The following RFLNA variants were observed in gnomAD, a reference collection of about 807,000 sequenced individuals.
RFLNA encodes refilin A, also known as refilin-A.
Under a neutral mutation model 7.8 loss-of-function variants are expected in RFLNA, and 5 were observed. The observed-to-expected ratio is 0.64, with a 90% CI of 0.34 to 1.35. RFLNA has a LOEUF of 1.35. RFLNA is among the 40% of genes most tolerant of loss of function. The pLI is 0.04. For synonymous variants in RFLNA, 141 were observed against 131.3 expected (o/e 1.07, Z -0.50); for missense variants, 278 against 305.5 (o/e 0.91, Z 0.67).
chr12:124,314,819 C>A lies in RFLNA; in HGVS notation c.*294C>A. The A allele has an allele frequency of 1.6e-6, 1 of 612,318 alleles. No individual in the cohort carries two copies. The highest frequency in any genetic ancestry group is 3.1e-6 in the Non-Finnish European group (1 of 327,612). The allele number at this position is 612,318 out of a possible 1,614,324, so 37.9% of individuals were successfully genotyped here. On this transcript the variant is annotated 3_prime_UTR_variant, in exon 3 of 3. Transcript: ENST00000546355. ...GTTAGGTGGTGGCCACCCCCAGGGT[C>A]AGGGGAAAAGAATGGGTCCATGGAG...
chr12:124,305,278 G>T (rs1057105512), intron 1 of RFLNA, among the ~76,000 whole-genome samples: 4 of 152,230 alleles, frequency 2.6e-5, no homozygotes, highest in Non-Finnish European at 5.9e-5. Context: ...CCACCCCTGG[G>T]TTGGGCGCTG....
Position 124,314,687 on chromosome 12 carries a change from C to G in RFLNA, c.*162C>G. On this transcript the variant is annotated 3_prime_UTR_variant, in exon 3 of 3. Transcript: ENST00000546355. ...AAGGAGGCGGCTCCCCGCTGCCTGC[C>G]CTGACCTACAGGCTAGGTGGTGGTC... The G allele has an allele frequency of 1.7e-6, 2 of 1,165,456 alleles. No individual in the cohort carries two copies. Among genetic ancestry groups the G allele is most frequent in the Non-Finnish European group, 2.5e-6 (2 of 809,134 alleles). 72.2% of individuals were successfully genotyped at this position (1,165,456 alleles called of 1,614,324 possible). A position where few individuals can be genotyped will look rare whatever the true frequency, so the allele number is the denominator to read the frequency against.
chr12:124,295,352 G>T lies in RFLNA; in HGVS notation c.-78G>T, dbSNP rs1344548352. The T allele has an allele frequency of 5.5e-6, 5 of 901,956 alleles. No individual in the cohort carries two copies. The highest frequency in any genetic ancestry group is 4.5e-5 in the Admixed American group (1 of 22,184). The allele number at this position is 901,956 out of a possible 1,614,324, so 55.9% of individuals were successfully genotyped here. On this transcript the variant is annotated 5_prime_UTR_variant, in exon 1 of 3. Transcript: ENST00000546355. ...CCGGGCGCGCAGCTCTCGCCCCGCC[G>T]CCGCCTGCCCCGGGCCCCGGAGCGC...
intron 1 of RFLNA, among the ~76,000 whole-genome samples, chr12:124,310,194 A>AAAAAAAAAAAAAAAAAAAAAAC (rs2034216145): frequency 2.0e-5 from 3 of 146,900 alleles, no homozygotes; most frequent in Non-Finnish European, 3.0e-5. Context: ...AAAAAAAAAA[A>AAAAAAAAAAAAAAAAAAAAAAC]AAGCCTTTAG....
rs922774214 is a variant in RFLNA at position 124,289,695 on chromosome 12, C to T, written c.-37+325C>T. Reference sequence around the variant, plus strand: ...GCGGGCTGCAGGCTCCGAGAGGACACGGGCTAAAAATGAAGAGGTGAGTCA... The same window carrying T: ...GCGGGCTGCAGGCTCCGAGAGGACATGGGCTAAAAATGAAGAGGTGAGTCA... On this transcript the variant is annotated intron_variant, in intron 1 of 2. Coordinates refer to the RFLNA transcript ENST00000324038. The surrounding 1 kb of genome is among the most constrained non-coding windows in gnomAD (Gnocchi z 5.0). Among the ~76,000 whole-genome samples the T allele has an allele frequency of 1.3e-5, 2 of 152,286 alleles. No homozygotes were observed. The highest frequency in any genetic ancestry group is 4.8e-5 in the African/African-American group (2 of 41,560).
chr12:124,293,506 T>C (rs139622548), upstream of RFLNA, among the ~76,000 whole-genome samples: 58 of 152,158 alleles, frequency 3.8e-4, no homozygotes, highest in Middle Eastern at 3.4e-3. Context: ...GTGACAGTAG[T>C]TCAGCCAGTC....
At chr12:124,311,999 G>A in intron 2 of RFLNA, 72 bp downstream of exon 2, 1 of 1,442,230 alleles carries the variant, frequency 6.9e-7, no homozygotes, top group Non-Finnish European at 9.2e-7. Context: ...CTCTCTTGTG[G>A]GATGGGGGTG....
chr12:124,314,471 G>A lies in RFLNA; in HGVS notation c.597G>A (p.Gln199=). Residue 199 remains glutamine, a synonymous_variant, in exon 3 of 3, where the codon CAG becomes CAA. Coordinates refer to ENST00000546355, the MANE Select transcript of RFLNA (RefSeq NM_001365156.1). ...GCCGCTGGTTCACCGCCAGCGTGCA[G>A]CTGCAGCTTTGCCAGGACCCTGCCC... ...RPSRWFTASV[Q]LQLCQDPAPS... The A allele has an allele frequency of 6.3e-7, 1 of 1,598,890 alleles. No individual in the cohort carries two copies. Among genetic ancestry groups the A allele is most frequent in the African/African-American group, 1.3e-5 (1 of 75,026 alleles).
intron 1 of RFLNA, among the ~76,000 whole-genome samples, chr12:124,309,198 T>C (rs1224964787): frequency 6.6e-6 from 1 of 152,134 alleles, no homozygotes; most frequent in Non-Finnish European, 1.5e-5. Context: ...CACAGTGGAC[T>C]CTGCTTCCCC....
Position 124,314,893 on chromosome 12 carries a change from C to T in RFLNA, c.*368C>T. On this transcript the variant is annotated 3_prime_UTR_variant, in exon 3 of 3. Coordinates refer to ENST00000546355, the MANE Select transcript of RFLNA (RefSeq NM_001365156.1). ...CCGAGCAGTGTGAGGACAGAGGCAT[C>T]CCAGCCTCAGCCGGTGGGGACGGCT... is the stretch of plus-strand genomic sequence containing the variant. 7.5e-6 allele frequency: 3 copies of T among 400,558 alleles called. No individual in the cohort carries two copies. 24.8% of individuals were successfully genotyped at this position (400,558 alleles called of 1,614,324 possible).
At position 124,308,290 on chromosome 12, in the gene RFLNA, C is replaced by T. The variant is rs1299886304; in HGVS notation, c.208-3528C>T. 3.3e-5 allele frequency among the ~76,000 whole-genome samples: 5 copies of T among 152,180 alleles called. No individual in the cohort carries two copies. The East Asian group carries it at 5.8e-4, about 18-fold the overall frequency. ...AGCCACTGCCTCCGGCCTGTGTCCA[C>T]GCTTCTTGTAGGGACACCAGTCATT... On this transcript the variant is annotated intron_variant, in intron 1 of 2. Transcript: ENST00000546355.
chr12:124,312,507 CACTA>C (rs1377584439), intron 2 of RFLNA, among the ~76,000 whole-genome samples: 1 of 152,028 alleles, frequency 6.6e-6, no homozygotes, highest in African/African-American at 2.4e-5. Context: ...GATGGGGTCT[CACTA>C]TGTTGCCCAG....
intron 1 of RFLNA, among the ~76,000 whole-genome samples, chr12:124,307,379 C>T (rs1344071178): frequency 6.6e-6 from 1 of 150,474 alleles, no homozygotes; most frequent in Admixed American, 6.6e-5. Context: ...GTGACTCCCA[C>T]CCCCAGGAGT....
intron 2 of RFLNA, among the ~76,000 whole-genome samples, chr12:124,312,796 TATG>T: frequency 6.3e-3 from 2 of 318 alleles, no homozygotes; most frequent in Non-Finnish European, 0.024. Flanking sequence ...CTCCCATGCA[TATG>T]ACGCATATGA....
In RFLNA at chr12:124,315,252, G is replaced by A. The variant is rs560196762; in HGVS notation, c.*727G>A. 6.0e-3 allele frequency: 942 copies of A among 155,792 alleles called. 3 individuals are homozygous for A. The highest frequency in any genetic ancestry group is 9.8e-3 in the Non-Finnish European group (687 of 70,228). The allele number at this position is 155,792 out of a possible 1,614,324, so 9.7% of individuals were successfully genotyped here. ...TCAAAGATTTGGGGCACTGCCCGTC[G>A]AAATGGAAAGGTTGGTGCTCAGCCT... On this transcript the variant is annotated 3_prime_UTR_variant, in exon 3 of 3. Coordinates refer to ENST00000546355, the MANE Select transcript of RFLNA (RefSeq NM_001365156.1).
At position 124,314,379 on chromosome 12, in the gene RFLNA, A is replaced by G; in HGVS notation, c.505A>G (p.Ile169Val). The G allele has an allele frequency of 4.3e-6, 7 of 1,612,168 alleles. No individual in the cohort carries two copies. The highest frequency in any genetic ancestry group is 5.9e-6 in the Non-Finnish European group (7 of 1,179,892). ...CGCCCTGCGCTTCCGCAGCACCACC[A>G]TCATCTTCCCCAAGCATGCCAGGAG... ...PRALRFRSTT[I>V]IFPKHARSTF... The change falls in exon 3 of 3, where the codon ATC becomes GTC. Residue 169 changes from isoleucine (I) to valine (V), a missense_variant. By Grantham distance (29) the Ile-to-Val change is conservative. Coordinates refer to ENST00000546355, the MANE Select transcript of RFLNA (RefSeq NM_001365156.1).
intron 1 of RFLNA, among the ~76,000 whole-genome samples, chr12:124,310,505 TG>T (rs2034224111): frequency 1.7e-3 from 2 of 1,208 alleles, no homozygotes; most frequent in Non-Finnish European, 2.9e-3. Context: ...GAGGGGGAGG[TG>T]GACTGCAGGG....
chr12:124,300,752 ATGGATGGAT>A, intron 1 of RFLNA, among the ~76,000 whole-genome samples: 1 of 137,812 alleles, frequency 7.3e-6, no homozygotes, highest in Non-Finnish European at 1.6e-5. Context: ...GGATGGATGG[ATGGATGGAT>A]GGATGGATGG....
intron 1 of RFLNA, 21 bp downstream of exon 1, chr12:124,295,657 C>G (rs1161882328): frequency 1.6e-6 from 2 of 1,230,228 alleles, no homozygotes; most frequent in South Asian, 3.9e-5. Context: ...GCTCTCTCTC[C>G]CAAACGGGGG....
Sources: allele counts gnomAD v4.1 joint callset (sites outside exome capture counted in the v4.1 genomes callset), GRCh38; gene constraint gnomAD v4.1.1; non-coding constraint Gnocchi (gnomAD v3.1); transcripts MANE v1.5; gene names NCBI Gene and HGNC (gene_info 2026-07-23, HGNC 2026-07-21).